The following PRCC variants were observed in gnomAD, a reference collection of about 807,000 sequenced individuals.
PRCC encodes the protein proline rich mitotic checkpoint control factor.
Under a neutral mutation model 44.0 loss-of-function variants are expected in PRCC, and 10 were observed. The observed-to-expected ratio is 0.23, with a 90% confidence interval of 0.14 to 0.39. The LOEUF (loss-of-function observed/expected upper bound fraction) is 0.39, where lower values mean the gene tolerates loss of function less well. Ranked by LOEUF, PRCC falls within the 10% of genes least tolerant of loss-of-function variation. The pLI, the probability that PRCC is intolerant of heterozygous loss-of-function variation, is 1.00. For synonymous variants in PRCC, 278 were observed against 259.5 expected, an observed-to-expected ratio of 1.07 and a Z score of -0.69; for missense variants, 573 against 624.7, an observed-to-expected ratio of 0.92 and a Z score of 0.88.
chr1:156,787,480 T>G (rs1349859393), intron 3 of PRCC, among the ~76,000 whole-genome samples: 2 of 123,044 alleles, frequency 1.6e-5, no homozygotes, highest in Middle Eastern at 4.3e-3. Flanking sequence ...TATATATATA[T>G]ATATATATAT....
chr1:156,772,457 C>T (rs566527622), intron 1 of PRCC, among the ~76,000 whole-genome samples: 3 of 152,288 alleles, frequency 2.0e-5, no homozygotes, highest in African/African-American at 4.8e-5. Context: ...AATGGATAAT[C>T]GTCCTTTCTT....
chr1:156,790,421 A>C (rs1281302807), intron 3 of PRCC, among the ~76,000 whole-genome samples: 1 of 152,210 alleles, frequency 6.6e-6, no homozygotes, highest in Non-Finnish European at 1.5e-5. Context: ...TCAGGAGTTC[A>C]AGACCAGCCT....
intron 1 of PRCC, among the ~76,000 whole-genome samples, chr1:156,770,131 G>A (rs1293275153): frequency 1.3e-5 from 2 of 152,218 alleles, no homozygotes; most frequent in East Asian, 1.9e-4. Context: ...GGGAGAGGCC[G>A]TAGAATCTGC....
intron 6 of PRCC, among the ~76,000 whole-genome samples, chr1:156,797,563 C>T (rs923638997): frequency 6.6e-6 from 1 of 152,106 alleles, no homozygotes; most frequent in African/African-American, 2.4e-5. Flanking sequence ...GGTGCAGGTG[C>T]TTAGAATAAA....
chr1:156,798,118 A>AT (rs894556928), intron 6 of PRCC, among the ~76,000 whole-genome samples: 10 of 152,148 alleles, frequency 6.6e-5, no homozygotes, highest in African/African-American at 2.4e-4. Context: ...TAATTTAACA[A>AT]TTTTTTTGTA....
chr1:156,798,971 C>T (rs1002832830), intron 6 of PRCC, among the ~76,000 whole-genome samples: 5 of 151,952 alleles, frequency 3.3e-5, no homozygotes, highest in South Asian at 2.1e-4. Flanking sequence ...ATTAGCATTA[C>T]GTGGTGTTTT....
At chr1:156,789,792 C>T (rs1571590403) in intron 3 of PRCC, among the ~76,000 whole-genome samples, 1 of 152,114 alleles carries the variant, frequency 6.6e-6, no homozygotes. Flanking sequence ...ATTAGTTTAG[C>T]GTGGTGGTTC....
Position 156,800,555 on chromosome 1 carries a change from A to G in PRCC, c.*95A>G. 7.8e-7 allele frequency: 1 copy of G among 1,287,812 alleles called. No homozygotes were observed. The allele number at this position is 1,287,812 out of a possible 1,614,324, so 79.8% of individuals were successfully genotyped here. ...GGACCCCAGCTGCTCTAAGCCCAGG[A>G]TCTCTTTCCCCAAGGACCCAGCCCT... On this transcript the variant is annotated 3_prime_UTR_variant, in exon 7 of 7. Coordinates refer to ENST00000271526, the MANE Select transcript of PRCC (RefSeq NM_005973.5).
rs67388360 is a variant in PRCC, at chr1:156,792,053, C to CTTTTTTTTTTT, written c.1179+279_1179+289dup. 7.0e-3 allele frequency among the ~76,000 whole-genome samples: 407 copies of CTTTTTTTTTTT among 58,450 alleles called. 57 individuals are homozygous for CTTTTTTTTTTT. Among genetic ancestry groups the CTTTTTTTTTTT allele is most frequent in the Non-Finnish European group, 9.7e-3 (298 of 30,750 alleles). 38.3% of individuals were successfully genotyped at this position (58,450 alleles called of 152,430 possible). ...ACAGAGTCAGGGATCTAGTCCCCTTCTTTTTTTTTTTTTTTTTTTTTTTTT... is the reference window on the plus strand; with the variant it reads ...ACAGAGTCAGGGATCTAGTCCCCTTCTTTTTTTTTTTTTTTTTTTTTTTTTTTTTTTTTTTT... On this transcript the variant is annotated intron_variant, in intron 4 of 6. Transcript: ENST00000271526.
chr1:156,779,412 G>A (rs972566436), intron 1 of PRCC, among the ~76,000 whole-genome samples: 2 of 151,856 alleles, frequency 1.3e-5, no homozygotes, highest in Admixed American at 6.6e-5. Flanking sequence ...CACCCAGGCT[G>A]GAGTGTAGTG....
intron 3 of PRCC, 116 bp from the exon 4 acceptor site, chr1:156,791,581 A>C: frequency 1.1e-6 from 1 of 876,618 alleles, no homozygotes; most frequent in Non-Finnish European, 1.8e-6. Context: ...AAGCTGTAGT[A>C]TAGCTATCTC....
At position 156,767,751 on chromosome 1, in the gene PRCC, GC is replaced by G; in HGVS notation, c.-18del. On this transcript the variant is annotated 5_prime_UTR_variant, in exon 1 of 7. Coordinates refer to ENST00000271526, the MANE Select transcript of PRCC (RefSeq NM_005973.5). ...GTAGGCCTCATCTGCCGGCAAGGGC[GC>G]CCGAAACGCGGGAGGCGCCATGTCG... is the stretch of plus-strand genomic sequence containing the variant. 1 of 1,569,942 alleles carries G rather than the reference GC, an allele frequency of 6.4e-7. No individual in the cohort carries two copies. Among genetic ancestry groups the G allele is most frequent in the South Asian group, 1.2e-5 (1 of 85,536 alleles).
rs1429934172 is a variant in PRCC, at chr1:156,768,081, G to A, written c.310G>A (p.Val104Ile). 9 of 1,588,528 alleles carry A rather than the reference G, an allele frequency of 5.7e-6. No homozygotes were observed. The Middle Eastern group carries it at 5.0e-4, about 88-fold the overall frequency. ...PGVSPAEAAG[V>I]GEGLGLGLPS... ...CGTGAGCCCGGCTGAAGCGGCGGGA[G>A]TTGGGGAGGGACTGGGATTGGGGTT... The change falls in exon 1 of 7, where the codon GTT (valine) becomes ATT (isoleucine). Residue 104 changes from valine to isoleucine, a missense_variant. Physicochemically the swap from Val to Ile is conservative, Grantham distance 29 (BLOSUM62 3). Around this residue, in one of 4 missense-constraint regions of PRCC, gnomAD observed 245 missense variants for 188.5 expected, o/e 1.30. Transcript: ENST00000271526.
intron 1 of PRCC, among the ~76,000 whole-genome samples, chr1:156,771,474 T>C (rs1651631313): frequency 6.6e-6 from 1 of 152,020 alleles, no homozygotes; most frequent in South Asian, 2.1e-4. Context: ...CATCGAGGTA[T>C]ATTTAGGAGG....
Position 156,767,588 on chromosome 1 carries a change from G to A in PRCC, c.-184G>A. 3 of 628,312 alleles carry A rather than the reference G, an allele frequency of 4.8e-6. No individual in the cohort carries two copies. Among genetic ancestry groups the A allele is most frequent in the South Asian group, 2.0e-5 (1 of 50,282 alleles). The allele number at this position is 628,312 out of a possible 1,614,324, so 38.9% of individuals were successfully genotyped here. ...ACTAGGAGCTTAAGTGAAGAGGTAC[G>A]CCTTGTTCGGTGGAAATCAGCCGTA... On this transcript the variant is annotated 5_prime_UTR_variant, in exon 1 of 7. Coordinates refer to ENST00000271526, the MANE Select transcript of PRCC (RefSeq NM_005973.5).
rs534216418 is a variant in PRCC, at chr1:156,794,822, G to A, written c.1323+14G>A. The A allele has an allele frequency of 5.0e-6, 8 of 1,613,798 alleles. No homozygotes were observed. The highest frequency in any genetic ancestry group is 1.6e-4 in the Middle Eastern group (1 of 6,076). On this transcript the variant is annotated intron_variant, in intron 5 of 6. Transcript: ENST00000271526. ...TCATTCAGCAAAGTAAGTGGGAAACGTCTATTGAGTGGTCAGCTTGGGAAG... is the reference window on the plus strand; with the variant it reads ...TCATTCAGCAAAGTAAGTGGGAAACATCTATTGAGTGGTCAGCTTGGGAAG...
At position 156,797,299 on chromosome 1, in the gene PRCC, C is replaced by A. The variant is rs769246563; in HGVS notation, c.1347C>A (p.Gly449=). Residue 449 remains glycine, a synonymous_variant, in exon 6 of 7, where the codon GGC becomes GGA. Transcript: ENST00000271526. ...FSKKKGEQPT[G]QQRRKHQITY... ...AGAAGAAAGGTGAGCAGCCAACAGG[C>A]CAGCAGCGGCGGAAACACCAGATCA... 4.3e-6 allele frequency: 7 copies of A among 1,614,054 alleles called. No homozygotes were observed. The East Asian group carries it at 1.3e-4, about 31-fold the overall frequency.
intron 1 of PRCC, among the ~76,000 whole-genome samples, chr1:156,775,636 G>C (rs894024095): frequency 6.6e-6 from 1 of 151,196 alleles, no homozygotes; most frequent in Non-Finnish European, 1.5e-5. Flanking sequence ...TCAGCCTCCC[G>C]AGTAGCTGGG....
At chr1:156,772,462 T>C (rs151301010) in intron 1 of PRCC, among the ~76,000 whole-genome samples, 1 of 152,364 alleles carries the variant, frequency 6.6e-6, no homozygotes, top group African/African-American at 2.4e-5. Context: ...ATAATCGTCC[T>C]TTCTTTTTCC....
Sources: gnomAD v4.1 joint callset for allele counts (sites outside exome capture counted in the v4.1 genomes callset) on GRCh38, gnomAD v4.1.1 for gene constraint, gnomAD v4.1.1 regional missense constraint, MANE v1.5 for transcripts, NCBI Gene and HGNC (gene_info 2026-07-23, HGNC 2026-07-21) for gene names.